The following ASIC2 variants were observed in gnomAD, a reference collection of about 807,000 sequenced individuals.
ASIC2 encodes the protein acid sensing ion channel subunit 2.
A neutral mutation model predicts 57.3 loss-of-function variants in ASIC2; 25 were observed. The observed-to-expected ratio is 0.44, with a 90% CI of 0.32 to 0.61. ASIC2 has a LOEUF of 0.61. Ranked by LOEUF, ASIC2 falls within the 20% of genes least tolerant of loss-of-function variation. The pLI is 0.06. For missense variants in ASIC2, 641 were observed against 738.1 expected, an observed-to-expected ratio of 0.87 and a Z score of 1.52; for synonymous variants, 319 against 307.5, an observed-to-expected ratio of 1.04 and a Z score of -0.39.
Position 34,098,921 on chromosome 17 carries a change from C to CGT in ASIC2, c.555+57055_555+57056dup, listed in dbSNP as rs1567820304. 2.0e-5 allele frequency among the ~76,000 whole-genome samples: 3 copies of CGT among 151,768 alleles called. No individual in the cohort carries two copies. In the East Asian group the frequency reaches 5.8e-4, roughly 29 times the overall value. Reference sequence around the variant, plus strand: ...GTGATTTCCATACCGTGTGATGCCCCGTGATACTGTGTGATACATGCTCTG... The same window carrying CGT: ...GTGATTTCCATACCGTGTGATGCCCCGTGTGATACTGTGTGATACATGCTCTG... On this transcript the variant is annotated intron_variant, in intron 1 of 9. Coordinates refer to the ASIC2 transcript ENST00000359872.
chr17:33,596,607 C>A lies in ASIC2; in HGVS notation c.556-484540G>T, dbSNP rs563944008. On this transcript the variant is annotated intron_variant, in intron 1 of 9. Transcript: ENST00000359872. The stretch of plus-strand genomic sequence containing the variant: ...CACAAAGAACCTGCAGTATCTTTGT[C>A]AGGTAGATAGGACCCTCCCAACCCC... Among the ~76,000 whole-genome samples, 200 of 152,280 alleles carry A rather than the reference C, an allele frequency of 1.3e-3. 2 individuals are homozygous for A. Among genetic ancestry groups the A allele is most frequent in the African/African-American group, 4.6e-3 (192 of 41,552 alleles).
At chr17:33,593,444 A>T (rs1176940956) in intron 1 of ASIC2, among the ~76,000 whole-genome samples, 1 of 152,222 alleles carries the variant, frequency 6.6e-6, no homozygotes, top group African/African-American at 2.4e-5. Context: ...AAAGAGCCTC[A>T]GAAATCATCT....
chr17:33,534,162 A>G (rs573904729), intron 1 of ASIC2: 2 of 152,210 alleles, frequency 1.3e-5, no homozygotes, highest in Non-Finnish European at 2.9e-5. Flanking sequence ...TGGTTTTGCT[A>G]CTCATCGTAA....
chr17:33,316,749 C>T (rs972525935), intron 1 of ASIC2, among the ~76,000 whole-genome samples: 3 of 152,172 alleles, frequency 2.0e-5, no homozygotes, highest in African/African-American at 4.8e-5. Context: ...TACTGATCAT[C>T]GCCACTCCCA....
chr17:33,276,614 C>G (rs536502723), intron 1 of ASIC2, among the ~76,000 whole-genome samples: 1 of 152,238 alleles, frequency 6.6e-6, no homozygotes. Context: ...CTCGCAGGAA[C>G]TAACTCCTTT....
intron 1 of ASIC2, among the ~76,000 whole-genome samples, chr17:33,134,816 C>CCCAATAGAAGGACAGAGA (rs373579214): frequency 0.012 from 1,784 of 152,290 alleles, 20 homozygotes; most frequent in African/African-American, 0.03. Flanking sequence ...TAGCCCCTGC[C>CCCAATAGAAGGACAGAGA]CCAAAGGTTG....
At chr17:33,231,056 T>G (rs1357849152) in intron 1 of ASIC2, among the ~76,000 whole-genome samples, 1 of 152,194 alleles carries the variant, frequency 6.6e-6, no homozygotes, top group East Asian at 1.9e-4. Flanking sequence ...TTTGGGAGCC[T>G]AAGACAGGGC....
chr17:33,595,090 G>A (rs1904941564), intron 1 of ASIC2, among the ~76,000 whole-genome samples: 1 of 152,062 alleles, frequency 6.6e-6, no homozygotes, highest in Non-Finnish European at 1.5e-5. Context: ...GCTGGGCTTG[G>A]CGGCAAGTAC....
At chr17:33,773,656 GTTT>G (rs113663094) in intron 1 of ASIC2, among the ~76,000 whole-genome samples, 3 of 136,962 alleles carry the variant, frequency 2.2e-5, no homozygotes, top group African/African-American at 2.7e-5. Context: ...TAGTCTCTCT[GTTT>G]TTTTTTTTTT....
chr17:33,976,297 T>A (rs181413784), intron 1 of ASIC2, among the ~76,000 whole-genome samples: 1 of 152,164 alleles, frequency 6.6e-6, no homozygotes, highest in Non-Finnish European at 1.5e-5. Context: ...AGACTTCTGG[T>A]TGTGGAATGC....
At chr17:33,921,680 A>G (rs1915711917) in intron 1 of ASIC2, among the ~76,000 whole-genome samples, 1 of 152,166 alleles carries the variant, frequency 6.6e-6, no homozygotes. Flanking sequence ...AGGGAAAAAG[A>G]TGAAGATAAT....
intron 1 of ASIC2, among the ~76,000 whole-genome samples, chr17:33,872,782 G>A (rs1333215210): frequency 2.0e-5 from 3 of 152,176 alleles, no homozygotes; most frequent in Non-Finnish European, 2.9e-5. Flanking sequence ...TAGAGATACA[G>A]AGGCACATTA....
intron 1 of ASIC2, among the ~76,000 whole-genome samples, chr17:33,517,711 A>C: frequency 2.2e-5 from 1 of 46,344 alleles, no homozygotes; most frequent in East Asian, 6.3e-4. Context: ...GGGTTGGGGG[A>C]GGGGGGAGGG....
chr17:33,292,337 G>T lies in ASIC2; in HGVS notation c.-222C>A. ...CCGGGGCTGAGCGCCGCCTCAGCCC[G>T]CAGCCCCTGGCAGTGGCCTCTCCCG... On this transcript the variant is annotated 5_prime_UTR_variant, in exon 1 of 10. Transcript: ENST00000225823. 1.0e-6 allele frequency: 1 copy of T among 986,198 alleles called. No homozygotes were observed. The highest frequency in any genetic ancestry group is 1.2e-6 in the Non-Finnish European group (1 of 830,988). The allele number at this position is 986,198 out of a possible 1,614,324, so 61.1% of individuals were successfully genotyped here.
intron 1 of ASIC2, among the ~76,000 whole-genome samples, chr17:33,276,655 C>A (rs972293659): frequency 5.3e-5 from 8 of 152,166 alleles, no homozygotes; most frequent in African/African-American, 1.9e-4. Flanking sequence ...GCCATTTCTC[C>A]GTTCACATGG....
At chr17:33,306,489 C>T (rs1906179516) in intron 1 of ASIC2, among the ~76,000 whole-genome samples, 1 of 152,148 alleles carries the variant, frequency 6.6e-6, no homozygotes, top group Non-Finnish European at 1.5e-5. Context: ...GTATTTTGGT[C>T]ATGAATTTGA....
chr17:34,053,324 G>A (rs1404330205), intron 1 of ASIC2, among the ~76,000 whole-genome samples: 2 of 152,094 alleles, frequency 1.3e-5, no homozygotes, highest in African/African-American at 2.4e-5. Flanking sequence ...TGAAGACACT[G>A]GAAATGCTCT....
chr17:33,403,501 T>G (rs2141960124), intron 1 of ASIC2, among the ~76,000 whole-genome samples: 1 of 152,348 alleles, frequency 6.6e-6, no homozygotes, highest in East Asian at 1.9e-4. Flanking sequence ...CTATCTTACT[T>G]GCACAGAAAA....
intron 1 of ASIC2, among the ~76,000 whole-genome samples, chr17:33,499,503 G>T (rs959777608): frequency 2.6e-5 from 4 of 152,206 alleles, no homozygotes; most frequent in African/African-American, 9.6e-5. Context: ...ATAAAGCCAA[G>T]GAGGGAGGCA....
Sources: allele counts gnomAD v4.1 joint callset (sites outside exome capture counted in the v4.1 genomes callset), GRCh38; gene constraint gnomAD v4.1.1; transcripts MANE v1.5; gene names NCBI Gene and HGNC (gene_info 2026-07-23, HGNC 2026-07-21).